RPTOR: variants seen among roughly 807,000 people sequenced by gnomAD.
RPTOR encodes regulatory associated protein of MTOR complex 1.
In RPTOR, 21 loss-of-function variants were observed where a neutral mutation model predicts 169.9. The observed-to-expected ratio is 0.12, with a 90% CI of 0.09 to 0.18. The LOEUF is 0.18. Ranked by LOEUF, RPTOR falls within the 10% of genes least tolerant of loss-of-function variation. The pLI is 1.00. For missense variants in RPTOR, 1,133 were observed against 1,855.9 expected, an observed-to-expected ratio of 0.61 and a Z score of 7.16; for synonymous variants, 732 against 753.2, an observed-to-expected ratio of 0.97 and a Z score of 0.46.
intron 20 of RPTOR, among the ~76,000 whole-genome samples, chr17:80,897,971 G>C (rs1212103624): frequency 1.3e-5 from 2 of 152,154 alleles, no homozygotes; most frequent in Non-Finnish European, 1.5e-5. Context: ...ACTGGCTCAG[G>C]AGTGCGCCGT....
chr17:80,547,023 C>T (rs188248642), intron 1 of RPTOR, among the ~76,000 whole-genome samples: 2 of 152,114 alleles, frequency 1.3e-5, no homozygotes, highest in Non-Finnish European at 2.9e-5. Flanking sequence ...GAGCCGAAAT[C>T]GCACCATTGC....
At chr17:80,832,571 G>A (rs532893368) in intron 9 of RPTOR, among the ~76,000 whole-genome samples, 26 of 152,294 alleles carry the variant, frequency 1.7e-4, no homozygotes, top group East Asian at 5.8e-4. Context: ...GGTTTCAGAC[G>A]CTCAGACGGA....
rs1186232272 is a variant in RPTOR at position 80,562,449 on chromosome 17, T to A, written c.162+16658T>A. On this transcript the variant is annotated intron_variant, in intron 1 of 33. Coordinates refer to ENST00000306801, the MANE Select transcript of RPTOR (RefSeq NM_020761.3). This position sits in a 1 kb window ranked among gnomAD's most constrained non-coding sequence, Gnocchi z 4.4. ...CAGTACACAGTGAGCATCTTTTAGT[T>A]TGATGTTTTCTTGGAGAGCTTTTTA... Among the ~76,000 whole-genome samples, 1 of 152,142 alleles carries A rather than the reference T, an allele frequency of 6.6e-6. No individual in the cohort carries two copies. The highest frequency in any genetic ancestry group is 1.5e-5 in the Non-Finnish European group (1 of 68,026).
At chr17:80,678,880 C>T (rs1313504657) in intron 3 of RPTOR, among the ~76,000 whole-genome samples, 1 of 152,198 alleles carries the variant, frequency 6.6e-6, no homozygotes, top group Non-Finnish European at 1.5e-5. Flanking sequence ...TCATCGCAGC[C>T]CTCTGCTGTC....
In RPTOR at chr17:80,651,814, G is replaced by A. The variant is rs1400787567; in HGVS notation, c.348+8004G>A. On this transcript the variant is annotated intron_variant, in intron 3 of 33. Transcript: ENST00000306801. The surrounding 1 kb of genome is among the most constrained non-coding windows in gnomAD (Gnocchi z 4.1). ...GGGTGGATCGTGAGGTCAGGAGATC[G>A]AGACCATGGTGAAACCCTGTCTCTA... is the stretch of plus-strand genomic sequence containing the variant. Among the ~76,000 whole-genome samples the A allele has an allele frequency of 2.0e-5, 3 of 151,986 alleles. No homozygotes were observed. Among genetic ancestry groups the A allele is most frequent in the African/African-American group, 4.8e-5 (2 of 41,390 alleles).
chr17:80,722,843 C>T (rs985769117), intron 4 of RPTOR, among the ~76,000 whole-genome samples: 5 of 151,208 alleles, frequency 3.3e-5, no homozygotes, highest in Admixed American at 6.6e-5. Flanking sequence ...TTGGTGCCAG[C>T]AGCCTTGCCG....
In RPTOR at chr17:80,708,330, A is replaced by G. The variant is rs549543735; in HGVS notation, c.507+331A>G. On this transcript the variant is annotated intron_variant, in intron 4 of 33. Coordinates refer to ENST00000306801, the MANE Select transcript of RPTOR (RefSeq NM_020761.3). The surrounding 1 kb of genome is among the most constrained non-coding windows in gnomAD (Gnocchi z 4.2). ...TTTGAAAAAATTGCACAATTTCTCA[A>G]TTTCGTTAGAATCTTTCTTTAAGCA... Among the ~76,000 whole-genome samples, 5 of 152,292 alleles carry G rather than the reference A, an allele frequency of 3.3e-5. No homozygotes were observed. Among genetic ancestry groups the G allele is most frequent in the Admixed American group, 3.3e-4 (5 of 15,300 alleles).
chr17:80,707,738 C>T lies in RPTOR; in HGVS notation c.349-103C>T, dbSNP rs1418751643. 9.0e-7 allele frequency: 1 copy of T among 1,111,922 alleles called. No homozygotes were observed. The highest frequency in any genetic ancestry group is 1.6e-5 in the African/African-American group (1 of 64,104). The allele number at this position is 1,111,922 out of a possible 1,614,324, so 68.9% of individuals were successfully genotyped here. On this transcript the variant is annotated intron_variant, in intron 3 of 33. Coordinates refer to ENST00000306801, the MANE Select transcript of RPTOR (RefSeq NM_020761.3). This position sits in a 1 kb window ranked among gnomAD's most constrained non-coding sequence, Gnocchi z 5.0. Reference sequence around the variant, plus strand: ...GAAACTCAGAGCCATGTGTCCAGGACCACACAGCTATTAACTGCAAACCCA... The same window carrying T: ...GAAACTCAGAGCCATGTGTCCAGGATCACACAGCTATTAACTGCAAACCCA...
rs962491761 is a variant in RPTOR, at chr17:80,597,832, G to GT, written c.163-27849dup. ...CCTGGCCATGTTTTTTTTGTTTTTGGTTTTTTTTTTCCTAAAGATTCATCT... is the reference window on the plus strand; with the variant it reads ...CCTGGCCATGTTTTTTTTGTTTTTGGTTTTTTTTTTTCCTAAAGATTCATCT... On this transcript the variant is annotated intron_variant, in intron 1 of 33. Coordinates refer to ENST00000306801, the MANE Select transcript of RPTOR (RefSeq NM_020761.3). Among the ~76,000 whole-genome samples, 85 of 149,106 alleles carry GT rather than the reference G, an allele frequency of 5.7e-4. 1 individual carries two copies. The highest frequency in any genetic ancestry group is 1.6e-3 in the African/African-American group (66 of 40,922).
intron 20 of RPTOR, among the ~76,000 whole-genome samples, chr17:80,907,401 T>C (rs999729624): frequency 6.6e-6 from 1 of 152,250 alleles, no homozygotes; most frequent in Non-Finnish European, 1.5e-5. Context: ...GCACTCCTGG[T>C]GCCCGCAGGC....
At chr17:80,617,642 A>T (rs900361901) in intron 1 of RPTOR, among the ~76,000 whole-genome samples, 1 of 152,258 alleles carries the variant, frequency 6.6e-6, no homozygotes, top group Admixed American at 6.5e-5. Context: ...GCTCTGTGAC[A>T]AAGTATTTTT....
chr17:80,902,578 C>T (rs1453395700), intron 20 of RPTOR, among the ~76,000 whole-genome samples: 1 of 152,192 alleles, frequency 6.6e-6, no homozygotes, highest in Admixed American at 6.5e-5. Flanking sequence ...CCTGTCCCGG[C>T]CCCCAGCCCA....
chr17:80,858,084 G>A, intron 13 of RPTOR, 184 bp downstream of exon 13: 1 of 607,860 alleles, frequency 1.6e-6, no homozygotes, highest in South Asian at 1.8e-5. Flanking sequence ...TCTGGGTCGT[G>A]GGGGCTGTCA....
chr17:80,782,981 G>A (rs2066956835), intron 6 of RPTOR, among the ~76,000 whole-genome samples: 1 of 152,208 alleles, frequency 6.6e-6, no homozygotes, highest in Non-Finnish European at 1.5e-5. Flanking sequence ...GAGCTACTGG[G>A]GGAGGTGGAA....
chr17:80,960,034 C>T lies in RPTOR; in HGVS notation c.3478-44C>T. On this transcript the variant is annotated intron_variant, in intron 29 of 33. Transcript: ENST00000306801. The surrounding 1 kb of genome is among the most constrained non-coding windows in gnomAD (Gnocchi z 4.8). ...CGCTGCAGGACAGCAGGGAGGGTGG[C>T]TCGGTGCCCCGGTCTTCACCGGGCT... 1 of 1,606,926 alleles carries T rather than the reference C, an allele frequency of 6.2e-7. No individual in the cohort carries two copies. Among genetic ancestry groups the T allele is most frequent in the Non-Finnish European group, 8.5e-7 (1 of 1,175,752 alleles).
At chr17:80,681,817 G>C (rs1191640126) in intron 3 of RPTOR, among the ~76,000 whole-genome samples, 3 of 151,060 alleles carry the variant, frequency 2.0e-5, no homozygotes, top group African/African-American at 7.3e-5. Flanking sequence ...ACCTTCTTGA[G>C]GTTGAATTTC....
At position 80,845,834 on chromosome 17, in the gene RPTOR, G is replaced by A. The variant is rs949566983; in HGVS notation, c.1213-639G>A. 6.6e-6 allele frequency among the ~76,000 whole-genome samples: 1 copy of A among 152,192 alleles called. No homozygotes were observed. Among genetic ancestry groups the A allele is most frequent in the African/African-American group, 2.4e-5 (1 of 41,452 alleles). On this transcript the variant is annotated intron_variant, in intron 10 of 33. Coordinates refer to ENST00000306801, the MANE Select transcript of RPTOR (RefSeq NM_020761.3). The surrounding 1 kb of genome is among the most constrained non-coding windows in gnomAD (Gnocchi z 5.4). ...AGAGCGTTCTTGCTGCTGATCCGGG[G>A]CCCAGTCAGCTCTCCATCCTTATCT... is the stretch of plus-strand genomic sequence containing the variant.
At chr17:80,587,573 C>T (rs2065071807) in intron 1 of RPTOR, among the ~76,000 whole-genome samples, 2 of 152,208 alleles carry the variant, frequency 1.3e-5, no homozygotes. Context: ...CTGCACCACA[C>T]TCCGGCCCAC....
rs1702304906 is a variant in RPTOR, at chr17:80,963,075, TG to T, written c.3939+23del. 3.4e-5 allele frequency: 2 copies of T among 58,742 alleles called. No homozygotes were observed. Among genetic ancestry groups the T allele is most frequent in the African/African-American group, 6.9e-4 (1 of 1,448 alleles). 3.6% of individuals were successfully genotyped at this position (58,742 alleles called of 1,614,324 possible). On this transcript the variant is annotated intron_variant, in intron 33 of 33. Coordinates refer to ENST00000306801, the MANE Select transcript of RPTOR (RefSeq NM_020761.3). ...CGCACTGGGTCAGTGTGGCGGTGGG[TG>T]GGGGTCGGGGGTCGGGGGCTGGGGT...
Sources: gnomAD v4.1 joint callset for allele counts (sites outside exome capture counted in the v4.1 genomes callset) on GRCh38, gnomAD v4.1.1 for gene constraint, Gnocchi (gnomAD v3.1) non-coding constraint, MANE v1.5 for transcripts, NCBI Gene and HGNC (gene_info 2026-07-23, HGNC 2026-07-21) for gene names.